GNPDA2: variants seen among roughly 807,000 people sequenced by gnomAD.
The protein encoded by GNPDA2 is glcN6P deaminase 2.
A neutral mutation model predicts 27.0 loss-of-function variants in GNPDA2; 24 were observed. That is an observed-to-expected ratio of 0.89 (90% CI 0.64 to 1.25). The LOEUF (loss-of-function observed/expected upper bound fraction) is 1.25. GNPDA2 is among the 50% of genes most tolerant of loss of function. The pLI, the probability that GNPDA2 is intolerant of heterozygous loss-of-function variation, is 0.00. For missense variants in GNPDA2, 286 were observed against 335.1 expected (o/e 0.85, Z 1.14); for synonymous variants, 94 against 108.4 (o/e 0.87, Z 0.83).
intron 4 of GNPDA2, among the ~76,000 whole-genome samples, chr4:44,716,516 A>G (rs1235408859): frequency 1.3e-4 from 1 of 7,934 alleles, no homozygotes; most frequent in African/African-American, 1.8e-4. Flanking sequence ...TGTAGATTAT[A>G]TATACACACA....
At chr4:44,707,660 C>T (rs1442493119) in intron 6 of GNPDA2, 92 bp downstream of exon 6, 7 of 1,098,722 alleles carry the variant, frequency 6.4e-6, no homozygotes, top group African/African-American at 1.6e-5. Context: ...TTCAATAGGT[C>T]ACAGTGTGAG....
At chr4:44,722,928 T>C (rs535891168) in intron 1 of GNPDA2, among the ~76,000 whole-genome samples, 3 of 152,120 alleles carry the variant, frequency 2.0e-5, no homozygotes, top group Non-Finnish European at 4.4e-5. Flanking sequence ...AGGTCAGAAT[T>C]CAAATTATAA....
chr4:44,708,510 G>T (rs768805969), intron 5 of GNPDA2, among the ~76,000 whole-genome samples: 1 of 37,082 alleles, frequency 2.7e-5, no homozygotes, highest in East Asian at 5.5e-4. Flanking sequence ...TAAGCACATA[G>T]GAACTGTCTT....
Position 44,711,146 on chromosome 4 carries a change from A to G in GNPDA2, c.410-9T>C. 8.4e-6 allele frequency: 13 copies of G among 1,556,418 alleles called. No individual in the cohort carries two copies. Among genetic ancestry groups the G allele is most frequent in the Non-Finnish European group, 1.1e-5 (13 of 1,153,046 alleles). On this transcript the variant is annotated splice_polypyrimidine_tract_variant and intron_variant, in intron 4 of 6. Transcript: ENST00000295448. Reference sequence around the variant, plus strand: ...ACCATCTGGACCAATTCCTTTCAAAAGAAATATACATACATATACACATGA... The same window carrying G: ...ACCATCTGGACCAATTCCTTTCAAAGGAAATATACATACATATACACATGA...
At chr4:44,712,240 G>C (rs959592532) in intron 4 of GNPDA2, among the ~76,000 whole-genome samples, 6 of 152,006 alleles carry the variant, frequency 3.9e-5, no homozygotes, top group Non-Finnish European at 5.9e-5. Flanking sequence ...CCAATTCCTT[G>C]AGTCATTAAA....
chr4:44,714,592 T>C, intron 4 of GNPDA2: 2 of 983,984 alleles, frequency 2.0e-6, no homozygotes, highest in Middle Eastern at 5.2e-4. Flanking sequence ...TATTTCAACT[T>C]TACCTTTAAT....
intron 2 of GNPDA2, among the ~76,000 whole-genome samples, chr4:44,720,922 C>A (rs1475998693): frequency 5.9e-5 from 9 of 152,068 alleles, no homozygotes; most frequent in African/African-American, 2.2e-4. Flanking sequence ...ATAATTAACA[C>A]AATGTTATTA....
intron 5 of GNPDA2, 28 bp downstream of exon 5, chr4:44,710,925 A>C (rs750120090): frequency 6.7e-7 from 1 of 1,502,778 alleles, no homozygotes; most frequent in Non-Finnish European, 8.9e-7. Context: ...CATGAAAAGA[A>C]AGACAGCAAA....
At chr4:44,724,058 G>C (rs964465972) in intron 1 of GNPDA2, among the ~76,000 whole-genome samples, 3 of 152,150 alleles carry the variant, frequency 2.0e-5, no homozygotes, top group African/African-American at 7.2e-5. Context: ...AGGGAGAGTA[G>C]CCTTTGGTCC....
intron 6 of GNPDA2, chr4:44,704,085 T>C: frequency 1.0e-6 from 1 of 985,076 alleles, no homozygotes; most frequent in African/African-American, 1.7e-5. Flanking sequence ...GACTCTAAAA[T>C]CCCAGCTTTG....
Position 44,702,051 on chromosome 4 carries a change from C to G in GNPDA2, c.*1030G>C, listed in dbSNP as rs1419840280. On this transcript the variant is annotated 3_prime_UTR_variant, in exon 7 of 7. Coordinates refer to ENST00000295448, the MANE Select transcript of GNPDA2 (RefSeq NM_138335.3). ...ATCTTTTAACCTAACTCTCCTAATG[C>G]ATGATGGTAACAAACCCAAAATGAA... is the stretch of plus-strand genomic sequence containing the variant. 7 of 985,670 alleles carry G rather than the reference C, an allele frequency of 7.1e-6. No homozygotes were observed. The African/African-American group carries it at 1.2e-4, about 17-fold the overall frequency. 61.1% of individuals were successfully genotyped at this position (985,670 alleles called of 1,614,324 possible). A position where few individuals can be genotyped will look rare whatever the true frequency, so the allele number is the denominator to read the frequency against.
chr4:44,721,090 G>A (rs757815666), intron 2 of GNPDA2, among the ~76,000 whole-genome samples: 4 of 151,148 alleles, frequency 2.6e-5, no homozygotes, highest in Non-Finnish European at 4.4e-5. Context: ...TTCTCACCAA[G>A]ATCTACTGCC....
At chr4:44,716,256 G>A (rs374839463) in intron 4 of GNPDA2, among the ~76,000 whole-genome samples, 2 of 151,778 alleles carry the variant, frequency 1.3e-5, no homozygotes, top group African/African-American at 2.4e-5. Flanking sequence ...ATTAACCTCA[G>A]GACAGCTCTA....
At chr4:44,715,386 A>G (rs1253269211) in intron 4 of GNPDA2, among the ~76,000 whole-genome samples, 1 of 152,168 alleles carries the variant, frequency 6.6e-6, no homozygotes, top group Non-Finnish European at 1.5e-5. Context: ...GGGGAAAGAA[A>G]GTCTACAAAT....
intron 1 of GNPDA2, among the ~76,000 whole-genome samples, chr4:44,723,114 G>A (rs1452912870): frequency 6.6e-6 from 1 of 152,128 alleles, no homozygotes; most frequent in Admixed American, 6.5e-5. Context: ...CGTATATTAA[G>A]AGATCGGAGT....
chr4:44,709,543 G>A (rs1284353638), intron 5 of GNPDA2, among the ~76,000 whole-genome samples: 1 of 152,088 alleles, frequency 6.6e-6, no homozygotes. Context: ...CCAGTGCTCA[G>A]GCAGATGTTG....
chr4:44,722,348 A>C (rs542047896), intron 1 of GNPDA2, 106 bp from the exon 2 acceptor site: 2 of 782,192 alleles, frequency 2.6e-6, no homozygotes, highest in Admixed American at 6.4e-5. Flanking sequence ...AACAGAATAT[A>C]CTGATGATTT....
chr4:44,724,448 A>C (rs571448450), intron 1 of GNPDA2, among the ~76,000 whole-genome samples: 14 of 152,298 alleles, frequency 9.2e-5, no homozygotes, highest in African/African-American at 3.1e-4. Context: ...TCTTTGAGAA[A>C]TCTTCATACT....
intron 4 of GNPDA2, among the ~76,000 whole-genome samples, chr4:44,714,091 C>T (rs1303730000): frequency 6.6e-6 from 1 of 152,068 alleles, no homozygotes; most frequent in Non-Finnish European, 1.5e-5. Context: ...CCTGCCTCAG[C>T]CTCCCGAGTA....
Sources: allele counts gnomAD v4.1 joint callset (sites outside exome capture counted in the v4.1 genomes callset), GRCh38; gene constraint gnomAD v4.1.1; transcripts MANE v1.5; gene names NCBI Gene and HGNC (gene_info 2026-07-23, HGNC 2026-07-21).